The following DNAAF5 variants were observed in gnomAD, a reference collection of about 807,000 sequenced individuals.
DNAAF5 encodes dynein axonemal assembly factor 5.
A neutral mutation model predicts 75.8 loss-of-function variants in DNAAF5; 64 were observed. The ratio of observed to expected loss-of-function variants is 0.84; its 90% confidence interval spans 0.69 to 1.04. The LOEUF (loss-of-function observed/expected upper bound fraction) is 1.04. Among genes scored for constraint, DNAAF5 ranks in the 50% least tolerant of loss-of-function variants. The probability of loss-of-function intolerance (pLI) is 0.00; values close to 1 mark genes in which losing one functional copy is unlikely to be tolerated. For synonymous variants in DNAAF5, 657 were observed against 557.2 expected (o/e 1.18, Z -2.52); for missense variants, 1,269 against 1,178.5 (o/e 1.08, Z -1.12).
intron 8 of DNAAF5, among the ~76,000 whole-genome samples, chr7:770,152 A>G (rs1277887417): frequency 6.6e-6 from 1 of 152,050 alleles, no homozygotes; most frequent in Non-Finnish European, 1.5e-5. Context: ...GGGTTTCACC[A>G]TGTTGACCAG....
At position 785,757 on chromosome 7, in the gene DNAAF5, T is replaced by G; in HGVS notation, c.*104T>G. 2 of 1,367,266 alleles carry G rather than the reference T, an allele frequency of 1.5e-6. No individual in the cohort carries two copies. The highest frequency in any genetic ancestry group is 2.7e-5 in the South Asian group (2 of 73,998). 84.7% of individuals were successfully genotyped at this position (1,367,266 alleles called of 1,614,324 possible). A position where few individuals can be genotyped will look rare whatever the true frequency, so the allele number is the denominator to read the frequency against. ...CACCTCTGTGCCAGCAGTGAGACTG[T>G]GACAGCAAGAATGTACTCCTCAGGA... On this transcript the variant is annotated 3_prime_UTR_variant, in exon 13 of 13. Transcript: ENST00000297440.
Position 754,044 on chromosome 7 carries a change from A to G in DNAAF5, c.1025-545A>G, listed in dbSNP as rs1203692428. Among the ~76,000 whole-genome samples, 2 of 150,288 alleles carry G rather than the reference A, an allele frequency of 1.3e-5. No individual in the cohort carries two copies. Among genetic ancestry groups the G allele is most frequent in the Admixed American group, 6.6e-5 (1 of 15,164 alleles). Reference sequence around the variant, plus strand: ...GCTTCGCAGGCGTGTCTCTCATCATATGGCGATGGCTTCGCAGGCGTGTGT... The same window carrying G: ...GCTTCGCAGGCGTGTCTCTCATCATGTGGCGATGGCTTCGCAGGCGTGTGT... On this transcript the variant is annotated intron_variant, in intron 4 of 12. Transcript: ENST00000297440. This position sits in a 1 kb window ranked among gnomAD's most constrained non-coding sequence, Gnocchi z 4.8.
intron 6 of DNAAF5, among the ~76,000 whole-genome samples, chr7:758,866 A>G (rs1782563211): frequency 6.6e-6 from 1 of 152,046 alleles, no homozygotes; most frequent in Non-Finnish European, 1.5e-5. Flanking sequence ...TGTTTTTAGT[A>G]GAGACGGGGT....
At chr7:751,834 A>G (rs1782305670) in intron 4 of DNAAF5, among the ~76,000 whole-genome samples, 1 of 152,112 alleles carries the variant, frequency 6.6e-6, no homozygotes, top group South Asian at 2.1e-4. Context: ...TTGGCCTCGC[A>G]AAGTGCTGGG....
At chr7:773,539 G>A (rs1212799261) in intron 9 of DNAAF5, among the ~76,000 whole-genome samples, 1 of 148,072 alleles carries the variant, frequency 6.8e-6, no homozygotes, top group Admixed American at 6.6e-5. Flanking sequence ...TTGGGTCCCC[G>A]GACCGCGCCT....
intron 9 of DNAAF5, chr7:770,982 A>ACAAGC: frequency 9.9e-6 from 2 of 202,604 alleles, no homozygotes; most frequent in Non-Finnish European, 2.0e-5. Flanking sequence ...TCGGCAGGGA[A>ACAAGC]TGCACAGAGA....
chr7:747,262 GC>G (rs1354435908), intron 4 of DNAAF5, among the ~76,000 whole-genome samples: 3 of 152,268 alleles, frequency 2.0e-5, no homozygotes, highest in Non-Finnish European at 4.4e-5. Flanking sequence ...TCCAGGTGCT[GC>G]AGTCAGGCCA....
At chr7:769,090 C>A in intron 8 of DNAAF5, 1 of 728,668 alleles carries the variant, frequency 1.4e-6, no homozygotes, top group Admixed American at 1.9e-5. Flanking sequence ...TACATTGCGT[C>A]TCCGTGTGGC....
In DNAAF5 at chr7:745,482, A is replaced by G. The variant is rs1280737129; in HGVS notation, c.1024+4017A>G. 2.6e-5 allele frequency among the ~76,000 whole-genome samples: 4 copies of G among 152,230 alleles called. No homozygotes were observed. The East Asian group carries it at 7.7e-4, about 29-fold the overall frequency. ...CACATGTACACACACACCTGTGCAC[A>G]CATGTACATGCATATCGCACACACG... On this transcript the variant is annotated intron_variant, in intron 4 of 12. Transcript: ENST00000297440.
Position 729,694 on chromosome 7 carries a change from C to A in DNAAF5, c.627C>A (p.Ile209=), listed in dbSNP as rs370516537. The A allele has an allele frequency of 6.2e-7, 1 of 1,614,046 alleles. No homozygotes were observed. The highest frequency in any genetic ancestry group is 2.2e-5 in the East Asian group (1 of 44,890). Residue 209 remains isoleucine, a synonymous_variant, in exon 2 of 13, where the codon ATC becomes ATA. Coordinates refer to ENST00000297440, the MANE Select transcript of DNAAF5 (RefSeq NM_017802.4). Reference sequence around the variant, plus strand: ...TCCACATGCAGTCGGAGTCTCTGATCGGGCCCCTGATGCAGACCATCTCCC... The same window carrying A: ...TCCACATGCAGTCGGAGTCTCTGATAGGGCCCCTGATGCAGACCATCTCCC... ...DHFHMQSESL[I]GPLMQTISHQ... is the part of the protein sequence containing the mutation.
chr7:749,804 C>T (rs1782232895), intron 4 of DNAAF5, among the ~76,000 whole-genome samples: 2 of 152,144 alleles, frequency 1.3e-5, no homozygotes, highest in Non-Finnish European at 2.9e-5. Context: ...CAGGCAACTA[C>T]TGTCCTGCCT....
At chr7:730,881 G>C (rs1164364627) in intron 2 of DNAAF5, among the ~76,000 whole-genome samples, 1 of 152,222 alleles carries the variant, frequency 6.6e-6, no homozygotes, top group Non-Finnish European at 1.5e-5. Context: ...CCTGGAGCTG[G>C]CGTGGGTTCG....
chr7:776,014 A>G (rs1057083367), intron 11 of DNAAF5, among the ~76,000 whole-genome samples: 4 of 152,154 alleles, frequency 2.6e-5, no homozygotes, highest in African/African-American at 9.7e-5. Flanking sequence ...GACTGTATTT[A>G]AGTTTGATGG....
At position 726,874 on chromosome 7, in the gene DNAAF5, G is replaced by T; in HGVS notation, c.154G>T (p.Ala52Ser). The change falls in exon 1 of 13, where the codon GCC (alanine) becomes TCC (serine). Residue 52 changes from alanine to serine, a missense_variant. Ala to Ser is a moderately conservative substitution (Grantham distance 99). Coordinates refer to ENST00000297440, the MANE Select transcript of DNAAF5 (RefSeq NM_017802.4). ...SKPGRRRALE[A>S]LRRALEEPGP... is the part of the protein sequence containing the mutation. ...GCCGGGCCGGCGGCGCGCCTTGGAG[G>T]CCCTGCGGCGCGCGCTGGAGGAGCC... is the stretch of plus-strand genomic sequence containing the variant. The T allele has an allele frequency of 7.5e-7, 1 of 1,326,616 alleles. No homozygotes were observed. 82.2% of individuals were successfully genotyped at this position (1,326,616 alleles called of 1,614,324 possible). A position where few individuals can be genotyped will look rare whatever the true frequency, so the allele number is the denominator to read the frequency against.
chr7:727,834 AC>A (rs1781411095), intron 1 of DNAAF5, among the ~76,000 whole-genome samples: 1 of 99,756 alleles, frequency 1.0e-5, no homozygotes, highest in South Asian at 4.2e-4. Context: ...CCTCCACCCC[AC>A]CCGGGCCCAC....
chr7:776,803 G>A (rs1015522288), intron 11 of DNAAF5, among the ~76,000 whole-genome samples: 2 of 152,246 alleles, frequency 1.3e-5, no homozygotes, highest in Non-Finnish European at 2.9e-5. Context: ...CCATGGGCCA[G>A]TACCTGTCCG....
At chr7:735,399 G>A (rs779885667) in intron 2 of DNAAF5, among the ~76,000 whole-genome samples, 6 of 150,104 alleles carry the variant, frequency 4.0e-5, no homozygotes, top group Admixed American at 6.7e-5. Flanking sequence ...TCATGGTGTT[G>A]TTCTTCATGG....
In DNAAF5 at chr7:729,843, C is replaced by T. The variant is rs1046060980; in HGVS notation, c.776C>T (p.Pro259Leu). ...GCTCAGCGACTGTTTGATGACGTCC[C>T]GCAGGTAACTGGTGTTTCTCCTGGA... is the stretch of plus-strand genomic sequence containing the variant. ...HFAQRLFDDV[P>L]QVRRAVASVV... Residue 259 changes from proline to leucine, a missense_variant, in exon 2 of 13, where the codon CCG (proline) becomes CTG (leucine). Transcript: ENST00000297440. 17 of 1,613,960 alleles carry T rather than the reference C, an allele frequency of 1.1e-5. No individual in the cohort carries two copies. Among genetic ancestry groups the T allele is most frequent in the East Asian group, 6.7e-5 (3 of 44,896 alleles).
At chr7:772,529 A>G (rs964221117) in intron 9 of DNAAF5, 8 of 152,220 alleles carry the variant, frequency 5.3e-5, no homozygotes, top group Admixed American at 6.5e-5. Context: ...GTGGACCTCG[A>G]GTCCCTCTGT....
Sources: gnomAD v4.1 joint callset for allele counts (sites outside exome capture counted in the v4.1 genomes callset) on GRCh38, gnomAD v4.1.1 for gene constraint, Gnocchi (gnomAD v3.1) non-coding constraint, MANE v1.5 for transcripts, NCBI Gene and HGNC (gene_info 2026-07-23, HGNC 2026-07-21) for gene names.